The following ARHGEF4 variants were observed in gnomAD, a reference collection of about 807,000 sequenced individuals.
ARHGEF4 encodes the protein Rho guanine nucleotide exchange factor 4, also known as APC-stimulated guanine nucleotide exchange factor 1.
ARHGEF4 carries 119 observed loss-of-function variants against 162.0 expected under a neutral mutation model. The observed-to-expected ratio is 0.73, with a 90% CI of 0.63 to 0.86. The LOEUF (loss-of-function observed/expected upper bound fraction) is 0.86. Among genes scored for constraint, ARHGEF4 ranks in the 40% least tolerant of loss-of-function variants. The pLI, the probability that ARHGEF4 is intolerant of heterozygous loss-of-function variation, is 0.00. For synonymous variants in ARHGEF4, 1,014 were observed against 979.9 expected (o/e 1.03, Z -0.65); for missense variants, 2,488 against 2,456.0 (o/e 1.01, Z -0.28).
intron 4 of ARHGEF4, among the ~76,000 whole-genome samples, chr2:130,988,901 T>TATATAGAGAC (rs1469212068): frequency 8.8e-6 from 1 of 113,366 alleles, no homozygotes; most frequent in South Asian, 3.5e-4. Context: ...TATATATATA[T>TATATAGAGAC]AGAGAGAGAG....
intron 5 of ARHGEF4, among the ~76,000 whole-genome samples, chr2:131,037,585 G>A (rs751940432): frequency 5.3e-5 from 8 of 152,324 alleles, no homozygotes; most frequent in East Asian, 1.9e-4. Flanking sequence ...AGGGAGGGTC[G>A]TGGACCTCAC....
intron 1 of ARHGEF4, among the ~76,000 whole-genome samples, chr2:130,908,508 C>G (rs1244641235): frequency 6.6e-6 from 1 of 152,072 alleles, no homozygotes; most frequent in East Asian, 1.9e-4. Context: ...AACCTTGTCT[C>G]TACTAGAAAT....
intron 5 of ARHGEF4, chr2:131,035,377 G>A (rs1690185119): frequency 1.0e-6 from 1 of 968,092 alleles, no homozygotes; most frequent in Non-Finnish European, 1.3e-6. Flanking sequence ...CACCCCATGT[G>A]CTCACTACCA....
intron 1 of ARHGEF4, among the ~76,000 whole-genome samples, chr2:130,890,894 T>A (rs1387600140): frequency 1.3e-5 from 2 of 152,178 alleles, no homozygotes; most frequent in Non-Finnish European, 2.9e-5. Flanking sequence ...CTCGAAGAGA[T>A]AAGAACACAG....
At chr2:130,840,608 T>C (rs1460547325) in intron 1 of ARHGEF4, among the ~76,000 whole-genome samples, 3 of 152,204 alleles carry the variant, frequency 2.0e-5, no homozygotes, top group Non-Finnish European at 2.9e-5. Context: ...CGTACTGGCA[T>C]GTGTTTGTCA....
Position 130,914,661 on chromosome 2 carries a change from C to A in ARHGEF4, c.715C>A (p.Arg239=). The change falls in exon 2 of 14, where the codon CGG becomes AGG. Residue 239 remains arginine, a synonymous_variant. Coordinates refer to ENST00000409359, the MANE Select transcript of ARHGEF4 (RefSeq NM_001367493.1). ...CCTTCTCTGGTGCTGTGAACTGGGTCGGAGTTGGCCACATATCCACAACAG... is the reference window on the plus strand; with the variant it reads ...CCTTCTCTGGTGCTGTGAACTGGGTAGGAGTTGGCCACATATCCACAACAG... The part of the protein sequence containing the change: ...PFLLWCCELG[R]SWPHIHNRAR... 2.2e-6 allele frequency: 3 copies of A among 1,388,020 alleles called. No homozygotes were observed. The South Asian group carries it at 5.6e-5, about 26-fold the overall frequency. 86.0% of individuals were successfully genotyped at this position (1,388,020 alleles called of 1,614,324 possible). A position where few individuals can be genotyped will look rare whatever the true frequency, so the allele number is the denominator to read the frequency against.
chr2:130,959,222 A>G lies in ARHGEF4; in HGVS notation c.3985+12587A>G, dbSNP rs183751081. Reference sequence around the variant, plus strand: ...CTCCCAAAGTGCTAGGATTACAGGCATGAGCCACCACGCCCAGCCTAGATA... The same window carrying G: ...CTCCCAAAGTGCTAGGATTACAGGCGTGAGCCACCACGCCCAGCCTAGATA... On this transcript the variant is annotated intron_variant, in intron 4 of 13. Coordinates refer to ENST00000409359, the MANE Select transcript of ARHGEF4 (RefSeq NM_001367493.1). Among the ~76,000 whole-genome samples, 3 of 152,298 alleles carry G rather than the reference A, an allele frequency of 2.0e-5. No homozygotes were observed. In the East Asian group the frequency reaches 5.8e-4, roughly 29 times the overall value.
At chr2:130,881,317 G>A (rs1413852996) in intron 1 of ARHGEF4, among the ~76,000 whole-genome samples, 1 of 152,178 alleles carries the variant, frequency 6.6e-6, no homozygotes, top group East Asian at 1.9e-4. Context: ...CCCTGCAAAT[G>A]AGACATTATT....
At chr2:130,939,440 G>C (rs1190492770) in intron 3 of ARHGEF4, among the ~76,000 whole-genome samples, 1 of 152,070 alleles carries the variant, frequency 6.6e-6, no homozygotes, top group Non-Finnish European at 1.5e-5. Context: ...TGGTACTGTC[G>C]ATCCATGTGT....
chr2:130,943,087 A>T (rs1683406145), intron 3 of ARHGEF4, among the ~76,000 whole-genome samples: 3 of 151,972 alleles, frequency 2.0e-5, no homozygotes. Context: ...ATCATTGCAA[A>T]TTTTCCATTT....
At chr2:131,043,355 G>A in intron 10 of ARHGEF4, 97 bp from the exon 11 acceptor site, 1 of 1,546,078 alleles carries the variant, frequency 6.5e-7, no homozygotes, top group Non-Finnish European at 8.8e-7. Context: ...TGCAGGCAAG[G>A]CCAGGGGGAG....
rs551167886 is a variant in ARHGEF4, at chr2:130,868,850, C to T, written c.39+31858C>T. ...GTTCGTTCTGGAAGCTTCAGAGGGT[C>T]GGCTTCCTGCCTTTTCCAGCTTCCA... On this transcript the variant is annotated intron_variant, in intron 1 of 13. Transcript: ENST00000409359. Among the ~76,000 whole-genome samples the T allele has an allele frequency of 7.2e-5, 11 of 152,338 alleles. No homozygotes were observed. In the East Asian group the frequency reaches 7.7e-4, roughly 11 times the overall value.
chr2:130,916,125 C>T lies in ARHGEF4; in HGVS notation c.2179C>T (p.Pro727Ser). The T allele has an allele frequency of 6.5e-7, 1 of 1,549,738 alleles. No homozygotes were observed. Among genetic ancestry groups the T allele is most frequent in the African/African-American group, 1.4e-5 (1 of 73,156 alleles). The stretch of plus-strand genomic sequence containing the variant: ...CCCCCAAGCTGCTTCGGAAGAGACG[C>T]CGAGCACAGAGGAGCCCCCGGGAGA... ...LVPQAASEET[P>S]STEEPPGERL... The change falls in exon 2 of 14, where the codon CCG becomes TCG. Residue 727 changes from proline (P) to serine (S), a missense_variant. By Grantham distance (74) the Pro-to-Ser change is moderately conservative. Coordinates refer to ENST00000409359, the MANE Select transcript of ARHGEF4 (RefSeq NM_001367493.1).
chr2:130,857,225 C>G (rs1681861701), intron 1 of ARHGEF4, among the ~76,000 whole-genome samples: 1 of 150,704 alleles, frequency 6.6e-6, no homozygotes, highest in Non-Finnish European at 1.5e-5. Flanking sequence ...GAGCGAGACT[C>G]CATCTCAAAA....
Position 130,915,240 on chromosome 2 carries a change from G to C in ARHGEF4, c.1294G>C (p.Asp432His), listed in dbSNP as rs1559036145. 1 of 1,550,588 alleles carries C rather than the reference G, an allele frequency of 6.4e-7. No individual in the cohort carries two copies. The highest frequency in any genetic ancestry group is 2.0e-5 in the Admixed American group (1 of 51,004). ...CCTGGGGGAAAACCAGTTAAGACAGGATTCCAGGTCATGTCTGGTGGCTTC... is the reference window on the plus strand; with the variant it reads ...CCTGGGGGAAAACCAGTTAAGACAGCATTCCAGGTCATGTCTGGTGGCTTC... The part of the protein sequence containing the change: ...GLLGENQLRQ[D>H]SRSCLVASCL... The change falls in exon 2 of 14, where the codon GAT becomes CAT. Residue 432 changes from aspartate to histidine, a missense_variant. Coordinates refer to ENST00000409359, the MANE Select transcript of ARHGEF4 (RefSeq NM_001367493.1).
In ARHGEF4 at chr2:130,933,287, C is replaced by T. The variant is rs930238264; in HGVS notation, c.3858+2030C>T. 1.5e-4 allele frequency among the ~76,000 whole-genome samples: 22 copies of T among 151,558 alleles called. No individual in the cohort carries two copies. The East Asian group carries it at 4.3e-3, about 29-fold the overall frequency. On this transcript the variant is annotated intron_variant, in intron 3 of 13. Coordinates refer to ENST00000409359, the MANE Select transcript of ARHGEF4 (RefSeq NM_001367493.1). ...TTGACTCTCAATTCTATCCTATTAA[C>T]TTATATGTCTGTCTTTATGTCAGTA... is the stretch of plus-strand genomic sequence containing the variant.
intron 3 of ARHGEF4, among the ~76,000 whole-genome samples, chr2:130,937,152 C>T (rs930796810): frequency 1.1e-5 from 1 of 90,490 alleles, no homozygotes; most frequent in African/African-American, 2.6e-5. Context: ...CTCAGGTGAT[C>T]TTCCCCCCTC....
chr2:130,998,356 G>T (rs1180632979), intron 4 of ARHGEF4, among the ~76,000 whole-genome samples: 1 of 152,094 alleles, frequency 6.6e-6, no homozygotes. Context: ...GTTGGTTAGG[G>T]TTCACTTTGT....
chr2:130,876,780 G>C (rs992649853), intron 1 of ARHGEF4, among the ~76,000 whole-genome samples: 1 of 152,198 alleles, frequency 6.6e-6, no homozygotes, highest in Non-Finnish European at 1.5e-5. Context: ...AACTTGCCCA[G>C]CTAACTAGAG....
Sources: gnomAD v4.1 joint callset for allele counts (sites outside exome capture counted in the v4.1 genomes callset) on GRCh38, gnomAD v4.1.1 for gene constraint, MANE v1.5 for transcripts, NCBI Gene and HGNC (gene_info 2026-07-23, HGNC 2026-07-21) for gene names.